Variants in TNFRSF10B observed in about 807,000 individuals in gnomAD.
TNFRSF10B encodes the protein TNF receptor superfamily member 10b.
Under a neutral mutation model 41.4 loss-of-function variants are expected in TNFRSF10B, and 35 were observed. That is an observed-to-expected ratio of 0.85 (90% CI 0.65 to 1.12). TNFRSF10B has a LOEUF of 1.12. TNFRSF10B is among the 50% of genes most tolerant of loss of function. The pLI, the probability that TNFRSF10B is intolerant of heterozygous loss-of-function variation, is 0.00. For synonymous variants in TNFRSF10B, 230 were observed against 215.5 expected (o/e 1.07, Z -0.59); for missense variants, 584 against 552.7 (o/e 1.06, Z -0.57).
rs1411308397 is a variant in TNFRSF10B, at chr8:23,063,301, T to C, written c.144+5450A>G. Among the ~76,000 whole-genome samples the C allele has an allele frequency of 2.0e-5, 3 of 151,538 alleles. No individual in the cohort carries two copies. The East Asian group carries it at 5.8e-4, about 30-fold the overall frequency. ...AGGCAGAGGTTGCAGTGAGCCGAGA[T>C]TGCGCCATTGCACTCCAGCCTGGGC... On this transcript the variant is annotated intron_variant, in intron 1 of 8. Transcript: ENST00000276431.
In TNFRSF10B at chr8:23,022,628, A is replaced by C. The variant is rs756448334; in HGVS notation, c.*43T>G. The C allele has an allele frequency of 2.5e-6, 4 of 1,612,336 alleles. No individual in the cohort carries two copies. Among genetic ancestry groups the C allele is most frequent in the Non-Finnish European group, 3.4e-6 (4 of 1,179,116 alleles). Reference sequence around the variant, plus strand: ...GTCCAGTTGGGCTTTTTCCAGAAAAAAGGTAAACCAGGGAAGGTCTGACTT... The same window carrying C: ...GTCCAGTTGGGCTTTTTCCAGAAAACAGGTAAACCAGGGAAGGTCTGACTT... On this transcript the variant is annotated 3_prime_UTR_variant, in exon 9 of 9. Coordinates refer to ENST00000276431, the MANE Select transcript of TNFRSF10B (RefSeq NM_003842.5).
At position 23,021,413 on chromosome 8, in the gene TNFRSF10B, C is replaced by A. The variant is rs1811516584; in HGVS notation, c.*1258G>T. 2.2e-6 allele frequency: 1 copy of A among 454,110 alleles called. No homozygotes were observed. The highest frequency in any genetic ancestry group is 4.4e-6 in the Non-Finnish European group (1 of 226,798). 28.1% of individuals were successfully genotyped at this position (454,110 alleles called of 1,614,324 possible). On this transcript the variant is annotated 3_prime_UTR_variant, in exon 9 of 9. Transcript: ENST00000276431. ...GGCCATCTACTCCTGAGATGGCAAC[C>A]ATTTCACACCATTCTCAAGCACCAT...
intron 2 of TNFRSF10B, among the ~76,000 whole-genome samples, chr8:23,036,510 A>C (rs1812034308): frequency 6.6e-6 from 1 of 152,226 alleles, no homozygotes; most frequent in Non-Finnish European, 1.5e-5. Context: ...TTGCAGCATC[A>C]CATCCACTGT....
At position 23,027,709 on chromosome 8, in the gene TNFRSF10B, G is replaced by A; in HGVS notation, c.780+13C>T. ...AACCCCTGAGCCCCCAGCTCCTGGAGAAATCAACTCACTCTGTCCACACGC... is the reference window on the plus strand; with the variant it reads ...AACCCCTGAGCCCCCAGCTCCTGGAAAAATCAACTCACTCTGTCCACACGC... On this transcript the variant is annotated intron_variant, in intron 6 of 8. Coordinates refer to ENST00000276431, the MANE Select transcript of TNFRSF10B (RefSeq NM_003842.5). The A allele has an allele frequency of 1.2e-6, 2 of 1,614,080 alleles. No individual in the cohort carries two copies. The highest frequency in any genetic ancestry group is 1.3e-5 in the African/African-American group (1 of 75,016).
intron 1 of TNFRSF10B, among the ~76,000 whole-genome samples, chr8:23,057,170 G>C (rs1248853066): frequency 2.6e-5 from 4 of 150,964 alleles, no homozygotes; most frequent in African/African-American, 9.9e-5. Flanking sequence ...CTCCCGAGTA[G>C]CTGGGACTAC....
chr8:23,048,886 G>A (rs1315642441), intron 1 of TNFRSF10B, among the ~76,000 whole-genome samples: 1 of 152,158 alleles, frequency 6.6e-6, no homozygotes. Context: ...ACAGGCATGA[G>A]CCACTGTGCC....
intron 1 of TNFRSF10B, among the ~76,000 whole-genome samples, chr8:23,057,302 C>T (rs1316632674): frequency 6.6e-6 from 1 of 151,784 alleles, no homozygotes; most frequent in Admixed American, 6.6e-5. Flanking sequence ...GCCTCAGCCT[C>T]CCAAAGTGCT....
chr8:23,041,323 C>G (rs958609770), intron 2 of TNFRSF10B, among the ~76,000 whole-genome samples: 1 of 151,976 alleles, frequency 6.6e-6, no homozygotes, highest in Non-Finnish European at 1.5e-5. Context: ...TCTCGAAGTG[C>G]TGGGATTACA....
chr8:23,045,131 G>A lies in TNFRSF10B; in HGVS notation c.145-1888C>T, dbSNP rs150657598. Reference sequence around the variant, plus strand: ...TGTAATCCCAGCTACTTGGGTGGCTGGGGCACAAAAATCACTTGAACCTGG... The same window carrying A: ...TGTAATCCCAGCTACTTGGGTGGCTAGGGCACAAAAATCACTTGAACCTGG... On this transcript the variant is annotated intron_variant, in intron 1 of 8. Coordinates refer to ENST00000276431, the MANE Select transcript of TNFRSF10B (RefSeq NM_003842.5). Among the ~76,000 whole-genome samples the A allele has an allele frequency of 4.6e-5, 7 of 151,346 alleles. No homozygotes were observed. In the East Asian group the frequency reaches 1.4e-3, roughly 29 times the overall value.
In TNFRSF10B at chr8:23,039,269, C is replaced by T. The variant is rs536545613; in HGVS notation, c.250+3869G>A. Among the ~76,000 whole-genome samples the T allele has an allele frequency of 2.8e-3, 428 of 152,140 alleles. 2 individuals are homozygous for T. The highest frequency in any genetic ancestry group is 9.8e-3 in the African/African-American group (407 of 41,506). On this transcript the variant is annotated intron_variant, in intron 2 of 8. Coordinates refer to ENST00000276431, the MANE Select transcript of TNFRSF10B (RefSeq NM_003842.5). ...GTGTGGCCTGGTTCCTAACAGGCCACGGACCAGTACTGGTCCATGGCCTGG... is the reference window on the plus strand; with the variant it reads ...GTGTGGCCTGGTTCCTAACAGGCCATGGACCAGTACTGGTCCATGGCCTGG...
Position 23,024,320 on chromosome 8 carries a change from A to T in TNFRSF10B, c.937-60T>A, listed in dbSNP as rs190588936. ...CCAGGAGTCCTACAGTCCAGTACTG[A>T]CCCCGACCACCAGCCAGCTCTGAGA... On this transcript the variant is annotated intron_variant, in intron 7 of 8. Transcript: ENST00000276431. The T allele has an allele frequency of 1.9e-4, 304 of 1,593,636 alleles. No homozygotes were observed. The African/African-American group carries it at 3.8e-3, about 20-fold the overall frequency.
intron 1 of TNFRSF10B, chr8:23,068,534 G>T: frequency 1.5e-6 from 1 of 664,570 alleles, no homozygotes; most frequent in Non-Finnish European, 2.5e-6. Flanking sequence ...TTTACACCAA[G>T]TGGAGCGCGC....
At chr8:23,038,257 C>T (rs1480764660) in intron 2 of TNFRSF10B, among the ~76,000 whole-genome samples, 1 of 152,212 alleles carries the variant, frequency 6.6e-6, no homozygotes, top group Non-Finnish European at 1.5e-5. Context: ...CCTATTAAAG[C>T]AGGACCACTT....
chr8:23,062,776 A>T (rs1416124098), intron 1 of TNFRSF10B, among the ~76,000 whole-genome samples: 2 of 152,160 alleles, frequency 1.3e-5, no homozygotes, highest in East Asian at 3.8e-4. Context: ...TCATATTTTC[A>T]TATGCATCAG....
chr8:23,049,847 C>T (rs1812471543), intron 1 of TNFRSF10B: 1 of 152,250 alleles, frequency 6.6e-6, no homozygotes, highest in Non-Finnish European at 1.5e-5. Context: ...ACCTGCATCT[C>T]ATTATTGGGC....
chr8:23,033,798 C>A (rs1279880518), intron 2 of TNFRSF10B, among the ~76,000 whole-genome samples: 2 of 151,836 alleles, frequency 1.3e-5, no homozygotes, highest in Non-Finnish European at 2.9e-5. Flanking sequence ...TTGCACACAC[C>A]AGAAGAGGGG....
rs1369458139 is a variant in TNFRSF10B at position 23,059,067 on chromosome 8, G to C, written c.144+9684C>G. ...TTCTACTGTTGGTTTTTATGAATTT[G>C]ACTACATTAGGTACCTCAAGTGGAA... On this transcript the variant is annotated intron_variant, in intron 1 of 8. Transcript: ENST00000276431. Among the ~76,000 whole-genome samples the C allele has an allele frequency of 2.0e-5, 3 of 152,024 alleles. No individual in the cohort carries two copies. The East Asian group carries it at 5.8e-4, about 29-fold the overall frequency.
In TNFRSF10B at chr8:23,027,239, C is replaced by T; in HGVS notation, c.830G>A (p.Ser277Asn). 2 of 1,614,212 alleles carry T rather than the reference C, an allele frequency of 1.2e-6. No homozygotes were observed. The highest frequency in any genetic ancestry group is 1.7e-6 in the Non-Finnish European group (2 of 1,180,042). The change falls in exon 7 of 9, where the codon AGT (serine) becomes AAT (asparagine). Residue 277 changes from serine to asparagine, a missense_variant. Ser to Asn is a conservative substitution (Grantham distance 46). Transcript: ENST00000276431. ...AEDNVLNEIVSILQPTQVPEQ... is the reference protein window; with the variant it reads ...AEDNVLNEIVNILQPTQVPEQ... ...AGGGACCTGGGTGGGCTGCAAGATA[C>T]TCACGATCTCATTGAGGACATTGTC...
chr8:23,028,457 G>A lies in TNFRSF10B; in HGVS notation c.622C>T (p.Pro208Ser), dbSNP rs1370592638. The change falls in exon 5 of 9, where the codon CCC becomes TCC. Residue 208 changes from proline to serine, a missense_variant. By Grantham distance (74) the Pro-to-Ser change is moderately conservative. Transcript: ENST00000276431. ...ATGATGATGCCTGAGAGAGAACAGGGAGAGGCAGGAGTCCCTGGGCTGGAG... is the reference window on the plus strand; with the variant it reads ...ATGATGATGCCTGAGAGAGAACAGGAAGAGGCAGGAGTCCCTGGGCTGGAG... ...VTSSPGTPAS[P>S]CSLSGIIIGV... 1.2e-6 allele frequency: 2 copies of A among 1,614,066 alleles called. No homozygotes were observed. Among genetic ancestry groups the A allele is most frequent in the Non-Finnish European group, 1.7e-6 (2 of 1,180,030 alleles).
Sources: gnomAD v4.1 joint callset for allele counts (sites outside exome capture counted in the v4.1 genomes callset) on GRCh38, gnomAD v4.1.1 for gene constraint, MANE v1.5 for transcripts, NCBI Gene and HGNC (gene_info 2026-07-23, HGNC 2026-07-21) for gene names.